Variants in OR3A2 observed in about 807,000 individuals in gnomAD.
The protein encoded by OR3A2 is olfactory receptor family 3 subfamily A member 2.
For synonymous variants in OR3A2, 126 were observed against 159.3 expected, an observed-to-expected ratio of 0.79 and a Z score of 1.57; for missense variants, 318 against 392.8, an observed-to-expected ratio of 0.81 and a Z score of 1.61.
intron 3 of OR3A2, among the ~76,000 whole-genome samples, chr17:3,330,981 TG>T (rs1213076861): frequency 1.3e-5 from 2 of 152,116 alleles, no homozygotes; most frequent in East Asian, 3.9e-4. Flanking sequence ...AAGCTTAGTT[TG>T]GCTGGATATG....
At chr17:3,359,692 T>A (rs981485055) in intron 2 of OR3A2, among the ~76,000 whole-genome samples, 2 of 151,656 alleles carry the variant, frequency 1.3e-5, no homozygotes, top group Non-Finnish European at 2.9e-5. Flanking sequence ...CCTTTCTCTC[T>A]AGTTTGCTGA....
At chr17:3,279,736 C>T (rs2048765840) in intron 1 of OR3A2, among the ~76,000 whole-genome samples, 1 of 152,112 alleles carries the variant, frequency 6.6e-6, no homozygotes, top group South Asian at 2.1e-4. Context: ...TGCAGTGAGC[C>T]AAGACTGCAC....
upstream of OR3A2, among the ~76,000 whole-genome samples, chr17:3,287,855 T>C (rs2048827962): frequency 6.6e-6 from 1 of 151,694 alleles, no homozygotes; most frequent in Admixed American, 6.6e-5. Context: ...ACTGTATATG[T>C]AATCGAGCTT....
At chr17:3,344,171 A>C in intron 2 of OR3A2, among the ~76,000 whole-genome samples, 1 of 152,190 alleles carries the variant, frequency 6.6e-6, no homozygotes, top group East Asian at 1.9e-4. Flanking sequence ...AAATGAGCCA[A>C]AGATGATGTC....
chr17:3,374,087 G>A (rs1470803038), intron 2 of OR3A2, among the ~76,000 whole-genome samples: 1 of 152,138 alleles, frequency 6.6e-6, no homozygotes, highest in Non-Finnish European at 1.5e-5. Flanking sequence ...CAAAATTCTT[G>A]GCTGATAATT....
At chr17:3,365,391 C>A (rs1216273952) in intron 2 of OR3A2, among the ~76,000 whole-genome samples, 1 of 152,186 alleles carries the variant, frequency 6.6e-6, no homozygotes, top group Admixed American at 6.5e-5. Flanking sequence ...GAGGCAAAGA[C>A]AAATGGTCTC....
At chr17:3,385,697 TTACC>T (rs2049771575) in intron 1 of OR3A2, among the ~76,000 whole-genome samples, 1 of 152,114 alleles carries the variant, frequency 6.6e-6, no homozygotes, top group Non-Finnish European at 1.5e-5. Context: ...AGTCTGAGAG[TTACC>T]CACTACGCTA....
upstream of OR3A2, among the ~76,000 whole-genome samples, chr17:3,285,112 A>T (rs111250191): frequency 1.3e-3 from 197 of 152,154 alleles, 1 homozygote; most frequent in African/African-American, 4.4e-3. Context: ...GAAGGTGCCT[A>T]TCAACATGAT....
intron 3 of OR3A2, among the ~76,000 whole-genome samples, chr17:3,334,197 C>T (rs1388907439): frequency 1.3e-5 from 2 of 152,118 alleles, no homozygotes; most frequent in East Asian, 1.9e-4. Context: ...GACAGTATGG[C>T]GATTCCTCAG....
At position 3,363,406 on chromosome 17, in the gene OR3A2, C is replaced by G. The variant is rs1427234837; in HGVS notation, c.-179+20398G>C. Among the ~76,000 whole-genome samples, 2 of 151,776 alleles carry G rather than the reference C, an allele frequency of 1.3e-5. 1 individual carries two copies. Among genetic ancestry groups the G allele is most frequent in the African/African-American group, 4.9e-5 (2 of 41,064 alleles). On this transcript the variant is annotated intron_variant, in intron 2 of 4. Coordinates refer to the OR3A2 transcript ENST00000573491. ...GAGCAACATGCTGCCAGTTTCTTCA[C>G]TAAAGCATAGCAAGAGTAACCTTTA...
At chr17:3,353,955 T>C (rs147755283) in intron 2 of OR3A2, among the ~76,000 whole-genome samples, 5 of 151,876 alleles carry the variant, frequency 3.3e-5, no homozygotes, top group African/African-American at 1.2e-4. Flanking sequence ...TCCATGGTTA[T>C]CAGATGCTGG....
intron 2 of OR3A2, among the ~76,000 whole-genome samples, chr17:3,372,040 G>A (rs230396): frequency 0.42 from 52,424 of 125,948 alleles, 11,708 homozygotes; most frequent in East Asian, 0.72. Context: ...GGCGGCTGCC[G>A]GGCGGAGGGG....
intron 3 of OR3A2, among the ~76,000 whole-genome samples, chr17:3,312,437 T>C (rs1209774517): frequency 6.6e-6 from 1 of 152,136 alleles, no homozygotes; most frequent in Non-Finnish European, 1.5e-5. Context: ...AAGCACCTTC[T>C]TCAGAGCAAC....
chr17:3,301,171 T>C (rs1388851684), intron 3 of OR3A2, among the ~76,000 whole-genome samples: 1 of 152,220 alleles, frequency 6.6e-6, no homozygotes, highest in East Asian at 1.9e-4. Context: ...TGTGTCTTTA[T>C]AGCAGCATGA....
chr17:3,347,910 C>T (rs1302371174), intron 2 of OR3A2, among the ~76,000 whole-genome samples: 2 of 152,144 alleles, frequency 1.3e-5, no homozygotes, highest in African/African-American at 2.4e-5. Flanking sequence ...GCACCTATTG[C>T]TTCCTGACTT....
chr17:3,343,165 G>C (rs1567561795), intron 2 of OR3A2, among the ~76,000 whole-genome samples: 1 of 152,146 alleles, frequency 6.6e-6, no homozygotes, highest in Non-Finnish European at 1.5e-5. Context: ...AGTCTGTCAT[G>C]GCTTCCCTTG....
Position 3,297,681 on chromosome 17 carries a change from T to C in OR3A2, c.-84-18528A>G, listed in dbSNP as rs540585149. Among the ~76,000 whole-genome samples, 124 of 148,120 alleles carry C rather than the reference T, an allele frequency of 8.4e-4. 1 individual carries two copies. The highest frequency in any genetic ancestry group is 1.5e-3 in the Non-Finnish European group (104 of 68,018). ...AACAGATTTCTGCCAAATTCAGCTT[T>C]GCATTCTTAATGCCTTGTGTCACAC... On this transcript the variant is annotated intron_variant, in intron 3 of 4. Transcript: ENST00000573491.
chr17:3,339,534 T>C (rs1261652902), intron 2 of OR3A2, among the ~76,000 whole-genome samples: 2 of 152,250 alleles, frequency 1.3e-5, no homozygotes, highest in Non-Finnish European at 2.9e-5. Flanking sequence ...GAGAAAATCA[T>C]GTGGTTTTTG....
intron 3 of OR3A2, among the ~76,000 whole-genome samples, chr17:3,317,834 C>T (rs1477698977): frequency 1.3e-5 from 2 of 152,054 alleles, no homozygotes; most frequent in Non-Finnish European, 2.9e-5. Flanking sequence ...CAAAACTCTA[C>T]CCCTCCCGGC....
Sources: gnomAD v4.1 joint callset for allele counts (sites outside exome capture counted in the v4.1 genomes callset) on GRCh38, gnomAD v4.1.1 for gene constraint, MANE v1.5 for transcripts, NCBI Gene and HGNC (gene_info 2026-07-23, HGNC 2026-07-21) for gene names.